ITGA8: variants seen among roughly 807,000 people sequenced by gnomAD.
The protein encoded by ITGA8 is integrin subunit alpha 8.
Under a neutral mutation model 142.3 loss-of-function variants are expected in ITGA8, and 91 were observed. The observed-to-expected ratio is 0.64, with a 90% confidence interval of 0.54 to 0.76. The LOEUF (loss-of-function observed/expected upper bound fraction) is 0.76, where lower values mean the gene tolerates loss of function less well. Among genes scored for constraint, ITGA8 ranks in the 30% least tolerant of loss-of-function variants. The probability of loss-of-function intolerance (pLI) is 0.00; values close to 1 mark genes in which losing one functional copy is unlikely to be tolerated. For synonymous variants in ITGA8, 505 were observed against 485.2 expected, an observed-to-expected ratio of 1.04 and a Z score of -0.54; for missense variants, 1,406 against 1,327.7, an observed-to-expected ratio of 1.06 and a Z score of -0.92.
At chr10:15,558,878 T>C (rs977637658) in intron 25 of ITGA8, among the ~76,000 whole-genome samples, 8 of 152,182 alleles carry the variant, frequency 5.3e-5, no homozygotes, top group African/African-American at 1.9e-4. Context: ...TGGATAAATA[T>C]TTTGAGAATT....
intron 2 of ITGA8, among the ~76,000 whole-genome samples, chr10:15,690,125 C>G (rs547587447): frequency 2.0e-5 from 3 of 152,186 alleles, no homozygotes; most frequent in African/African-American, 7.2e-5. Flanking sequence ...ACCCACCTCC[C>G]TTAAGTGCTG....
At chr10:15,677,489 A>G in intron 6 of ITGA8, 103 bp downstream of exon 6, 1 of 886,674 alleles carries the variant, frequency 1.1e-6, no homozygotes, top group South Asian at 1.7e-5. Context: ...GAATAAGGAT[A>G]TAAAATTAAG....
At chr10:15,704,686 G>C (rs1054740080) in intron 2 of ITGA8, among the ~76,000 whole-genome samples, 4 of 152,118 alleles carry the variant, frequency 2.6e-5, no homozygotes, top group Non-Finnish European at 5.9e-5. Context: ...GCATGCTTCT[G>C]TTTAGTACCC....
In ITGA8 at chr10:15,536,686, C is replaced by T. The variant is rs556992181; in HGVS notation, c.2881-5535G>A. 7.9e-5 allele frequency among the ~76,000 whole-genome samples: 12 copies of T among 152,346 alleles called. No homozygotes were observed. The South Asian group carries it at 1.9e-3, about 24-fold the overall frequency. ...AATGAGGACCTTCGTCTTGCCCCAG[C>T]TGGCTATTAATCCCCAGAAAATGCC... On this transcript the variant is annotated intron_variant, in intron 27 of 29. Coordinates refer to ENST00000378076, the MANE Select transcript of ITGA8 (RefSeq NM_003638.3).
chr10:15,678,903 T>G (rs573490953), intron 4 of ITGA8, 120 bp from the exon 5 acceptor site: 9 of 541,994 alleles, frequency 1.7e-5, no homozygotes, highest in African/African-American at 1.2e-4. Flanking sequence ...ATGATCAATA[T>G]GTGTTTTATG....
intron 6 of ITGA8, among the ~76,000 whole-genome samples, chr10:15,675,610 C>A (rs1287766170): frequency 6.6e-6 from 1 of 152,152 alleles, no homozygotes; most frequent in Non-Finnish European, 1.5e-5. Flanking sequence ...TTCACCTTGG[C>A]CAACTTTCAA....
At chr10:15,609,186 T>G (rs905563866) in intron 15 of ITGA8, among the ~76,000 whole-genome samples, 1 of 152,120 alleles carries the variant, frequency 6.6e-6, no homozygotes, top group Non-Finnish European at 1.5e-5. Context: ...CTGGCTGCCT[T>G]TGTTGAATGA....
intron 14 of ITGA8, among the ~76,000 whole-genome samples, chr10:15,614,597 G>A (rs554519585): frequency 1.3e-5 from 2 of 152,322 alleles, no homozygotes; most frequent in East Asian, 1.9e-4. Flanking sequence ...CATGGGGGAA[G>A]GGAATAGAGC....
At chr10:15,544,712 C>A (rs1023015069) in intron 27 of ITGA8, among the ~76,000 whole-genome samples, 1 of 152,134 alleles carries the variant, frequency 6.6e-6, no homozygotes, top group East Asian at 1.9e-4. Flanking sequence ...GTATTCACAC[C>A]CTTGTGTGGG....
At chr10:15,623,174 C>G (rs1833524056) in intron 13 of ITGA8, among the ~76,000 whole-genome samples, 1 of 152,098 alleles carries the variant, frequency 6.6e-6, no homozygotes, top group African/African-American at 2.4e-5. Flanking sequence ...TAATTGCCTC[C>G]TTTAAGTGCT....
At chr10:15,589,331 A>C (rs1832883613) in intron 22 of ITGA8, among the ~76,000 whole-genome samples, 1 of 152,228 alleles carries the variant, frequency 6.6e-6, no homozygotes, top group Non-Finnish European at 1.5e-5. Flanking sequence ...ACTAAGGAAG[A>C]AACTCTGAGG....
chr10:15,533,019 T>C (rs1023562389), intron 27 of ITGA8, among the ~76,000 whole-genome samples: 7 of 152,098 alleles, frequency 4.6e-5, no homozygotes, highest in African/African-American at 1.7e-4. Flanking sequence ...TTGAAATCAG[T>C]GGCAAATGTT....
chr10:15,717,660 C>T (rs1835478122), intron 2 of ITGA8, among the ~76,000 whole-genome samples: 1 of 152,100 alleles, frequency 6.6e-6, no homozygotes, highest in Non-Finnish European at 1.5e-5. Flanking sequence ...TTTTCCAATG[C>T]TTTTATAAAA....
At chr10:15,655,212 T>C in intron 11 of ITGA8, 142 bp downstream of exon 11, 1 of 519,406 alleles carries the variant, frequency 1.9e-6, no homozygotes, top group Non-Finnish European at 3.4e-6. Flanking sequence ...TGCATCTTCT[T>C]GTCTTGAACC....
At chr10:15,593,374 T>G (rs1267907283) in intron 21 of ITGA8, among the ~76,000 whole-genome samples, 1 of 152,328 alleles carries the variant, frequency 6.6e-6, no homozygotes. Flanking sequence ...CATGATCTCA[T>G]GTAATCCCAA....
intron 25 of ITGA8, among the ~76,000 whole-genome samples, chr10:15,559,389 C>A (rs1437800146): frequency 6.6e-6 from 1 of 152,190 alleles, no homozygotes; most frequent in African/African-American, 2.4e-5. Flanking sequence ...AAGCTGCCTG[C>A]CAGCTGGTCT....
intron 2 of ITGA8, among the ~76,000 whole-genome samples, chr10:15,707,790 T>C (rs1835286648): frequency 6.9e-6 from 1 of 145,684 alleles, no homozygotes; most frequent in African/African-American, 2.6e-5. Flanking sequence ...GCCACTACAC[T>C]CCGGCCTCGG....
intron 28 of ITGA8, among the ~76,000 whole-genome samples, chr10:15,520,422 G>A (rs955995961): frequency 9.9e-5 from 15 of 152,130 alleles, no homozygotes; most frequent in East Asian, 7.7e-4. Context: ...TCTCCTTCCC[G>A]CCAAAAAACA....
At chr10:15,518,452 GAAACGCCATTCCTTAACTC>G (rs1362253093) in intron 29 of ITGA8, among the ~76,000 whole-genome samples, 1 of 152,240 alleles carries the variant, frequency 6.6e-6, no homozygotes, top group Admixed American at 6.5e-5. Flanking sequence ...ATAACGATCA[GAAACGCCATTCCTTAACTC>G]AAAGCCAAGG....
Sources: allele counts gnomAD v4.1 joint callset (sites outside exome capture counted in the v4.1 genomes callset), GRCh38; gene constraint gnomAD v4.1.1; transcripts MANE v1.5; gene names NCBI Gene and HGNC (gene_info 2026-07-23, HGNC 2026-07-21).